KATNA1: variants seen among roughly 807,000 people sequenced by gnomAD.
KATNA1 encodes katanin catalytic subunit A1.
Under a neutral mutation model 62.6 loss-of-function variants are expected in KATNA1, and 42 were observed. The observed-to-expected ratio is 0.67, with a 90% CI of 0.52 to 0.87. The LOEUF is 0.87. KATNA1 is among the 40% of genes least tolerant of loss of function. The probability of loss-of-function intolerance (pLI) is 0.00; values close to 1 mark genes in which losing one functional copy is unlikely to be tolerated. For synonymous variants in KATNA1, 186 were observed against 201.9 expected (o/e 0.92, Z 0.67); for missense variants, 498 against 612.5 (o/e 0.81, Z 1.97).
At chr6:149,602,860 T>C (rs1050872073) in intron 6 of KATNA1, among the ~76,000 whole-genome samples, 2 of 152,004 alleles carry the variant, frequency 1.3e-5, no homozygotes, top group Admixed American at 1.3e-4. Context: ...TAGCTGGGAT[T>C]ACAGGCACGC....
In KATNA1 at chr6:149,605,152, G is replaced by A. The variant is rs544427124; in HGVS notation, c.502-370C>T. 2.7e-5 allele frequency among the ~76,000 whole-genome samples: 4 copies of A among 150,490 alleles called. No homozygotes were observed. In the East Asian group the frequency reaches 7.8e-4, roughly 29 times the overall value. ...CATGCTACTGCACTCCAGCCTGGGTGACAGACCGAGACACCAACTCAAAAA... is the reference window on the plus strand; with the variant it reads ...CATGCTACTGCACTCCAGCCTGGGTAACAGACCGAGACACCAACTCAAAAA... On this transcript the variant is annotated intron_variant, in intron 4 of 10. Coordinates refer to ENST00000367411, the MANE Select transcript of KATNA1 (RefSeq NM_007044.4).
At chr6:149,613,433 C>G in intron 4 of KATNA1, among the ~76,000 whole-genome samples, 1 of 151,932 alleles carries the variant, frequency 6.6e-6, no homozygotes, top group East Asian at 1.9e-4. Flanking sequence ...GAAATATTTG[C>G]AGATAACATA....
At position 149,603,336 on chromosome 6, in the gene KATNA1, G is replaced by A; in HGVS notation, c.661C>T (p.Leu221Phe). The change falls in exon 6 of 11, where the codon CTT (leucine) becomes TTT (phenylalanine). Residue 221 changes from leucine (L) to phenylalanine (F), a missense_variant. Around this residue, in one of 3 missense-constraint regions of KATNA1, gnomAD observed 267 missense variants for 372.6 expected, o/e 0.72. Coordinates refer to ENST00000367411, the MANE Select transcript of KATNA1 (RefSeq NM_007044.4). ...ATTGGTAACACTACGGCTTCCTTAA[G>A]CAACTTTTTAGCTTCTACTAAATCA... The part of the protein sequence containing the change: ...IADLVEAKKL[L>F]KEAVVLPMWM... 1.9e-6 allele frequency: 3 copies of A among 1,600,358 alleles called. No individual in the cohort carries two copies. Among genetic ancestry groups the A allele is most frequent in the Non-Finnish European group, 2.6e-6 (3 of 1,170,340 alleles).
At chr6:149,626,292 C>CTTTTTCTTTTTTTTTT (rs1779604745) in intron 3 of KATNA1, among the ~76,000 whole-genome samples, 1 of 88,748 alleles carries the variant, frequency 1.1e-5, no homozygotes, top group African/African-American at 5.3e-5. Flanking sequence ...ATAACATTTA[C>CTTTTTCTTTTTTTTTT]TTTTTTTTTT....
At chr6:149,597,301 A>C in intron 9 of KATNA1, 112 bp from the exon 10 acceptor site, 1 of 1,278,348 alleles carries the variant, frequency 7.8e-7, no homozygotes, top group African/African-American at 1.5e-5. Context: ...TTGGATCTCT[A>C]AGAAGAGATA....
intron 7 of KATNA1, among the ~76,000 whole-genome samples, chr6:149,601,068 G>A (rs1190946337): frequency 6.6e-6 from 1 of 152,172 alleles, no homozygotes; most frequent in African/African-American, 2.4e-5. Flanking sequence ...AGTTTAAAAG[G>A]CTGTGGAATT....
rs1441133925 is a variant in KATNA1, at chr6:149,594,961, C to T, written c.*75G>A. ...ATTATGAAAGTTAAAAAAAATATAG[C>T]ACTCAGTACAATGAATTACTGCATT... is the stretch of plus-strand genomic sequence containing the variant. On this transcript the variant is annotated 3_prime_UTR_variant, in exon 11 of 11. Coordinates refer to ENST00000367411, the MANE Select transcript of KATNA1 (RefSeq NM_007044.4). 3.7e-6 allele frequency: 4 copies of T among 1,091,430 alleles called. No homozygotes were observed. Among genetic ancestry groups the T allele is most frequent in the South Asian group, 1.6e-5 (1 of 63,900 alleles). The allele number at this position is 1,091,430 out of a possible 1,614,324, so 67.6% of individuals were successfully genotyped here.
chr6:149,637,792 A>G (rs1193928179), intron 2 of KATNA1, among the ~76,000 whole-genome samples: 1 of 152,190 alleles, frequency 6.6e-6, no homozygotes, highest in Non-Finnish European at 1.5e-5. Context: ...CCTGGATGAC[A>G]AGAGCAAAAC....
intron 7 of KATNA1, 55 bp downstream of exon 7, chr6:149,601,539 A>G: frequency 6.8e-7 from 1 of 1,469,802 alleles, no homozygotes; most frequent in South Asian, 1.4e-5. Context: ...GTTACAGCTC[A>G]CTTTCTCCCC....
rs183436974 is a variant in KATNA1, at chr6:149,612,463, C to T, written c.502-7681G>A. Among the ~76,000 whole-genome samples, 592 of 152,166 alleles carry T rather than the reference C, an allele frequency of 3.9e-3. 4 individuals carry two copies. The highest frequency in any genetic ancestry group is 0.013 in the African/African-American group (560 of 41,506). On this transcript the variant is annotated intron_variant, in intron 4 of 10. Coordinates refer to ENST00000367411, the MANE Select transcript of KATNA1 (RefSeq NM_007044.4). ...GGCGGAGGTTGCAGTGAGCCAAGAT[C>T]GCGCCACTGCACTCCAGCCTGGGTG...
chr6:149,621,349 C>T (rs1779386122), intron 4 of KATNA1, among the ~76,000 whole-genome samples: 1 of 151,862 alleles, frequency 6.6e-6, no homozygotes, highest in Non-Finnish European at 1.5e-5. Context: ...TGGTCTCGAT[C>T]TCCTGACCTC....
At chr6:149,597,951 AT>A in intron 8 of KATNA1, 1 of 470,034 alleles carries the variant, frequency 2.1e-6, no homozygotes, top group Non-Finnish European at 3.7e-6. Flanking sequence ...ATTTATTTTT[AT>A]TTCAATTTCA....
chr6:149,600,958 G>A (rs1251843338), intron 7 of KATNA1, among the ~76,000 whole-genome samples: 3 of 152,120 alleles, frequency 2.0e-5, no homozygotes, highest in East Asian at 3.9e-4. Context: ...GAAGATTCAC[G>A]TCTTTGTCAC....
chr6:149,629,864 G>A (rs1243120229), intron 3 of KATNA1, among the ~76,000 whole-genome samples: 1 of 152,228 alleles, frequency 6.6e-6, no homozygotes, highest in South Asian at 2.1e-4. Flanking sequence ...AATATGAAGA[G>A]CAAATTACTT....
chr6:149,603,343 T>G lies in KATNA1; in HGVS notation c.654A>C (p.Lys218Asn). 6.3e-7 allele frequency: 1 copy of G among 1,596,114 alleles called. No individual in the cohort carries two copies. Among genetic ancestry groups the G allele is most frequent in the Non-Finnish European group, 8.6e-7 (1 of 1,166,498 alleles). ...WDDIADLVEA[K>N]KLLKEAVVLP... is the part of the protein sequence containing the mutation. ...ACACTACGGCTTCCTTAAGCAACTT[T>G]TTAGCTTCTACTAAATCAGCGATAT... Residue 218 changes from lysine (K) to asparagine (N), a missense_variant, in exon 6 of 11, where the codon AAA becomes AAC. By Grantham distance (94) the Lys-to-Asn change is moderately conservative. Transcript: ENST00000367411.
At chr6:149,636,990 G>A (rs963359454) in intron 2 of KATNA1, among the ~76,000 whole-genome samples, 1 of 151,842 alleles carries the variant, frequency 6.6e-6, no homozygotes, top group Non-Finnish European at 1.5e-5. Context: ...GTTGAGCCTT[G>A]TTAGAAATAC....
At chr6:149,602,753 C>T (rs939719417) in intron 6 of KATNA1, among the ~76,000 whole-genome samples, 96 of 148,490 alleles carry the variant, frequency 6.5e-4, no homozygotes, top group African/African-American at 2.4e-3. Context: ...CAGAGTTTCG[C>T]TCTTGTTGCC....
intron 1 of KATNA1, 143 bp from the exon 2 acceptor site, chr6:149,638,703 C>T: frequency 1.1e-5 from 4 of 366,370 alleles, no homozygotes; most frequent in South Asian, 1.5e-4. Flanking sequence ...TGTGCTCATG[C>T]TATTTCACTC....
Position 149,597,125 on chromosome 6 carries a change from G to A in KATNA1, c.1215C>T (p.Asp405=). 1 of 1,614,044 alleles carries A rather than the reference G, an allele frequency of 6.2e-7. No homozygotes were observed. Among genetic ancestry groups the A allele is most frequent in the Non-Finnish European group, 8.5e-7 (1 of 1,179,910 alleles). ...LRELELADDV[D]LASIAENMEG... is the part of the protein sequence containing the mutation. ...CCATGTTTTCTGCTATACTTGCAAG[G>A]TCAACATCATCAGCCAATTCCAACT... Residue 405 remains aspartate (D), a synonymous_variant, in exon 10 of 11, where the codon GAC becomes GAT. Transcript: ENST00000367411.
Sources: allele counts gnomAD v4.1 joint callset (sites outside exome capture counted in the v4.1 genomes callset), GRCh38; gene constraint gnomAD v4.1.1; regional missense constraint gnomAD v4.1.1; transcripts MANE v1.5; gene names NCBI Gene and HGNC (gene_info 2026-07-23, HGNC 2026-07-21).